The following CTNNA3 variants were observed in gnomAD, a reference collection of about 807,000 sequenced individuals.
CTNNA3 encodes catenin alpha-3.
In CTNNA3, 76 loss-of-function variants were observed where a neutral mutation model predicts 95.7. The observed-to-expected ratio is 0.79, with a 90% CI of 0.66 to 0.96. The LOEUF is 0.96. Ranked by LOEUF, CTNNA3 falls within the 40% of genes least tolerant of loss-of-function variation. The probability of loss-of-function intolerance (pLI) is 0.00; values close to 1 mark genes in which losing one functional copy is unlikely to be tolerated. For synonymous variants in CTNNA3, 431 were observed against 374.4 expected (o/e 1.15, Z -1.74); for missense variants, 1,191 against 1,089.8 (o/e 1.09, Z -1.31).
intron 7 of CTNNA3, among the ~76,000 whole-genome samples, chr10:66,890,463 G>A (rs1198148188): frequency 6.6e-6 from 1 of 152,148 alleles, no homozygotes; most frequent in Non-Finnish European, 1.5e-5. Flanking sequence ...AGAAAGGAGA[G>A]TGGTTCAACA....
chr10:66,157,475 ATAGATAGATAGATATG>A (rs766114654), intron 13 of CTNNA3, among the ~76,000 whole-genome samples: 6,265 of 132,768 alleles, frequency 0.047, 164 homozygotes, highest in African/African-American at 0.057. Flanking sequence ...TAGACAGATG[ATAGATAGATAGATATG>A]TAGATAGATA....
chr10:66,088,903 T>C (rs2081101995), intron 14 of CTNNA3, among the ~76,000 whole-genome samples: 2 of 152,118 alleles, frequency 1.3e-5, no homozygotes, highest in Admixed American at 1.3e-4. Context: ...AGTTTTCTGT[T>C]GGCCAGGCGT....
chr10:66,617,949 C>T (rs1382712282), intron 10 of CTNNA3, among the ~76,000 whole-genome samples: 1 of 151,552 alleles, frequency 6.6e-6, no homozygotes, highest in Non-Finnish European at 1.5e-5. Flanking sequence ...CATGAGTGAA[C>T]TCCCATTCAC....
chr10:67,510,298 T>C (rs1839572486), intron 5 of CTNNA3, among the ~76,000 whole-genome samples: 1 of 152,230 alleles, frequency 6.6e-6, no homozygotes, highest in Non-Finnish European at 1.5e-5. Context: ...CTAGGTTTTC[T>C]TCTAGTGTTT....
chr10:67,239,533 G>C (rs1865636544), intron 5 of CTNNA3, among the ~76,000 whole-genome samples: 1 of 152,104 alleles, frequency 6.6e-6, no homozygotes, highest in Admixed American at 6.5e-5. Flanking sequence ...TCAGTTTCTG[G>C]TAATTTTCTA....
At chr10:67,049,335 A>G (rs1479559783) in intron 7 of CTNNA3, among the ~76,000 whole-genome samples, 1 of 152,156 alleles carries the variant, frequency 6.6e-6, no homozygotes, top group African/African-American at 2.4e-5. Flanking sequence ...ATGTCAGGGA[A>G]AAAGCATTAA....
At chr10:67,381,525 A>G (rs1323279555) in intron 5 of CTNNA3, among the ~76,000 whole-genome samples, 1 of 152,226 alleles carries the variant, frequency 6.6e-6, no homozygotes, top group Non-Finnish European at 1.5e-5. Flanking sequence ...TTTCCAATAA[A>G]AATTTAAGGA....
intron 5 of CTNNA3, among the ~76,000 whole-genome samples, chr10:67,236,088 T>C (rs1344658706): frequency 5.7e-5 from 8 of 141,240 alleles, no homozygotes; most frequent in Non-Finnish European, 9.1e-5. Context: ...TCAACCATTG[T>C]GGAAGTCACT....
At chr10:66,966,133 A>G (rs2132800580) in intron 7 of CTNNA3, among the ~76,000 whole-genome samples, 1 of 151,988 alleles carries the variant, frequency 6.6e-6, no homozygotes, top group Admixed American at 6.5e-5. Context: ...TTATAGTGCC[A>G]TTTTGAAAAA....
chr10:67,131,363 T>C (rs994471040), intron 7 of CTNNA3, among the ~76,000 whole-genome samples: 73 of 152,278 alleles, frequency 4.8e-4, no homozygotes, highest in Non-Finnish European at 7.2e-4. Context: ...TAGGATTGTT[T>C]TGGTTATCAA....
intron 3 of CTNNA3, among the ~76,000 whole-genome samples, chr10:67,601,041 C>T (rs908974779): frequency 1.7e-4 from 26 of 152,120 alleles, no homozygotes; most frequent in African/African-American, 6.0e-4. Flanking sequence ...ACAAGGGGCC[C>T]TCTTAGGGTT....
chr10:67,711,882 T>C lies in CTNNA3; in HGVS notation c.-2+51552A>G, dbSNP rs942964760. The stretch of plus-strand genomic sequence containing the variant: ...GTTTACTGAGAATGATGATTTCCAA[T>C]TTCATCCATGTCCCTACAAAGGACA... On this transcript the variant is annotated intron_variant, in intron 1 of 17. Coordinates refer to the CTNNA3 transcript ENST00000684154. 3.9e-5 allele frequency among the ~76,000 whole-genome samples: 6 copies of C among 152,030 alleles called. 1 individual carries two copies. Among genetic ancestry groups the C allele is most frequent in the African/African-American group, 1.2e-4 (5 of 41,462 alleles).
chr10:66,545,910 A>G (rs1446893251), intron 10 of CTNNA3, among the ~76,000 whole-genome samples: 3 of 150,880 alleles, frequency 2.0e-5, no homozygotes, highest in South Asian at 2.1e-4. Flanking sequence ...ACAAACATAT[A>G]CGTATGTTTT....
intron 11 of CTNNA3, among the ~76,000 whole-genome samples, chr10:66,505,988 T>A (rs373270361): frequency 6.6e-6 from 1 of 152,134 alleles, no homozygotes. Context: ...ATAAGAAGCA[T>A]GGCACCAGCA....
intron 5 of CTNNA3, among the ~76,000 whole-genome samples, chr10:67,282,871 A>C (rs888379496): frequency 1.2e-4 from 19 of 152,172 alleles, no homozygotes; most frequent in African/African-American, 4.1e-4. Flanking sequence ...TTCTCCCGCA[A>C]GGCTAGCCAT....
chr10:67,385,448 CT>C (rs375956989), intron 5 of CTNNA3, among the ~76,000 whole-genome samples: 140 of 152,294 alleles, frequency 9.2e-4, no homozygotes, highest in African/African-American at 3.2e-3. Context: ...TGAGGTGCCC[CT>C]AATCTCTATT....
intron 11 of CTNNA3, among the ~76,000 whole-genome samples, chr10:66,391,743 A>T (rs1374144348): frequency 5.9e-5 from 9 of 152,162 alleles, no homozygotes; most frequent in Admixed American, 4.6e-4. Flanking sequence ...CTTTATCTAA[A>T]TTTTTTAAAC....
intron 17 of CTNNA3, among the ~76,000 whole-genome samples, chr10:65,934,461 A>G (rs142775909): frequency 6.6e-6 from 1 of 152,112 alleles, no homozygotes; most frequent in Non-Finnish European, 1.5e-5. Context: ...CTTAAGCATG[A>G]CTAGTCCATT....
Position 67,521,898 on chromosome 10 carries a change from G to T in CTNNA3, c.523C>A (p.Gln175Lys), listed in dbSNP as rs775927425. 1.2e-6 allele frequency: 2 copies of T among 1,612,726 alleles called. No individual in the cohort carries two copies. The highest frequency in any genetic ancestry group is 1.7e-6 in the Non-Finnish European group (2 of 1,179,100). ...ANKSDLQKTY[Q>K]KLGKELENLD... is the part of the protein sequence containing the mutation. ...TTTTCCAGCTCCTTCCCAAGCTTCT[G>T]GTAGGTTTTCTGGAGGTCAGATTTG... is the stretch of plus-strand genomic sequence containing the variant. The change falls in exon 5 of 18, where the codon CAG becomes AAG. Residue 175 changes from glutamine (Q) to lysine (K), a missense_variant. Transcript: ENST00000433211.
Sources: gnomAD v4.1 joint callset for allele counts (sites outside exome capture counted in the v4.1 genomes callset) on GRCh38, gnomAD v4.1.1 for gene constraint, MANE v1.5 for transcripts, NCBI Gene and HGNC (gene_info 2026-07-23, HGNC 2026-07-21) for gene names.